The following NF1 variants were observed in gnomAD, a reference collection of about 807,000 sequenced individuals.
NF1 encodes neurofibromin 1.
In NF1, 122 loss-of-function variants were observed where a neutral mutation model predicts 325.7. The ratio of observed to expected loss-of-function variants is 0.37; its 90% CI spans 0.32 to 0.44. The LOEUF is 0.44. Ranked by LOEUF, NF1 falls within the 20% of genes least tolerant of loss-of-function variation. The pLI is 1.00. For missense variants in NF1, 2,140 were observed against 3,415.4 expected (o/e 0.63, Z 9.31); for synonymous variants, 1,091 against 1,186.0 (o/e 0.92, Z 1.65).
At chr17:31,367,406 G>A in intron 57 of NF1, 1 of 428,196 alleles carries the variant, frequency 2.3e-6, no homozygotes, top group Non-Finnish European at 4.2e-6. Context: ...TTAGGAACTT[G>A]TAAAGCCACC....
intron 36 of NF1, among the ~76,000 whole-genome samples, chr17:31,271,212 G>A (rs1402950418): frequency 6.6e-6 from 1 of 152,138 alleles, no homozygotes; most frequent in African/African-American, 2.4e-5. Context: ...ATAAGTTCTC[G>A]ATTCCAGGCA....
chr17:31,143,108 G>A (rs1432459315), intron 1 of NF1, among the ~76,000 whole-genome samples: 1 of 152,022 alleles, frequency 6.6e-6, no homozygotes, highest in African/African-American at 2.4e-5. Context: ...ACATTTTCTT[G>A]TAAGCAAATA....
At chr17:31,236,833 T>C (rs965733981) in intron 29 of NF1, among the ~76,000 whole-genome samples, 1 of 152,164 alleles carries the variant, frequency 6.6e-6, no homozygotes, top group African/African-American at 2.4e-5. Flanking sequence ...AAATATGCTT[T>C]GTTCTGTGCT....
chr17:31,334,031 A>G (rs1459810365), intron 39 of NF1, among the ~76,000 whole-genome samples: 2 of 152,238 alleles, frequency 1.3e-5, no homozygotes, highest in African/African-American at 4.8e-5. Context: ...TCACGCCTGT[A>G]ATCCCAGCAC....
intron 1 of NF1, among the ~76,000 whole-genome samples, chr17:31,152,683 C>T (rs928468230): frequency 1.3e-5 from 2 of 151,230 alleles, no homozygotes; most frequent in East Asian, 1.9e-4. Context: ...TTATTTCTAT[C>T]TGTAATTCTT....
At chr17:31,202,207 G>A (rs1466149435) in intron 11 of NF1, among the ~76,000 whole-genome samples, 1 of 152,124 alleles carries the variant, frequency 6.6e-6, no homozygotes, top group Non-Finnish European at 1.5e-5. Context: ...TATTTTGAAA[G>A]TTTTCAAGTG....
At chr17:31,316,542 G>A (rs1373705592) in intron 36 of NF1, among the ~76,000 whole-genome samples, 2 of 152,046 alleles carry the variant, frequency 1.3e-5, no homozygotes, top group African/African-American at 4.8e-5. Flanking sequence ...AATTTTCTCT[G>A]ACACGTGTTT....
intron 16 of NF1, 131 bp from the exon 17 acceptor site, chr17:31,224,964 C>G (rs2066986589): frequency 1.1e-6 from 1 of 883,446 alleles, no homozygotes; most frequent in Admixed American, 1.9e-5. Context: ...GAATCTCCTT[C>G]AAGTTGGGGC....
intron 36 of NF1, among the ~76,000 whole-genome samples, chr17:31,298,657 T>C (rs957277524): frequency 8.5e-5 from 13 of 152,152 alleles, no homozygotes; most frequent in African/African-American, 2.2e-4. Flanking sequence ...CCACTTTACT[T>C]TGAGGGTTCA....
chr17:31,366,783 G>A (rs545048495), intron 57 of NF1, among the ~76,000 whole-genome samples: 2 of 152,190 alleles, frequency 1.3e-5, no homozygotes, highest in South Asian at 2.1e-4. Context: ...TCTATTTTGA[G>A]GCCACTTAAG....
At chr17:31,293,945 T>G (rs1238081474) in intron 36 of NF1, among the ~76,000 whole-genome samples, 1 of 152,218 alleles carries the variant, frequency 6.6e-6, no homozygotes, top group Non-Finnish European at 1.5e-5. Context: ...GTGGTTTGAT[T>G]TGGAGTGTCA....
intron 1 of NF1, among the ~76,000 whole-genome samples, chr17:31,116,327 G>T (rs17882292): frequency 2.0e-5 from 3 of 152,234 alleles, no homozygotes; most frequent in Non-Finnish European, 2.9e-5. Flanking sequence ...TTAAATTAAA[G>T]AACTTACCCT....
chr17:31,360,804 C>T (rs956856560), intron 57 of NF1, 101 bp downstream of exon 57: 2 of 995,688 alleles, frequency 2.0e-6, no homozygotes, highest in Non-Finnish European at 3.2e-6. Context: ...GCTCCTTTTT[C>T]TTATGAGATT....
At chr17:31,319,070 A>T in intron 36 of NF1, 2 of 1,522,612 alleles carry the variant, frequency 1.3e-6, no homozygotes, top group Non-Finnish European at 1.7e-6. Flanking sequence ...AGAATAATGG[A>T]TCCTAGTTTT....
intron 29 of NF1, among the ~76,000 whole-genome samples, chr17:31,242,248 G>C (rs750417587): frequency 1.4e-5 from 2 of 141,330 alleles, no homozygotes; most frequent in African/African-American, 5.2e-5. Context: ...TTGGTGTTCT[G>C]TAACCTTCCT....
At chr17:31,199,508 G>A (rs2066489990) in intron 8 of NF1, among the ~76,000 whole-genome samples, 1 of 152,196 alleles carries the variant, frequency 6.6e-6, no homozygotes, top group African/African-American at 2.4e-5. Flanking sequence ...TTTGGAGAAT[G>A]TTCCATGTAC....
intron 53 of NF1, 60 bp downstream of exon 53, chr17:31,357,150 G>T (rs2151582774): frequency 6.2e-7 from 1 of 1,607,846 alleles, no homozygotes. Context: ...TCTACTTTTA[G>T]GAGGCCCTTA....
intron 14 of NF1, among the ~76,000 whole-genome samples, chr17:31,221,398 A>G (rs1273297946): frequency 6.6e-6 from 1 of 152,098 alleles, no homozygotes; most frequent in African/African-American, 2.4e-5. Context: ...CTTTTCTGTT[A>G]CAAGAGACTT....
At position 31,163,182 on chromosome 17, in the gene NF1, T is replaced by G. The variant is rs1258767746; in HGVS notation, c.289-4T>G. 5 of 1,613,778 alleles carry G rather than the reference T, an allele frequency of 3.1e-6. No individual in the cohort carries two copies. Among genetic ancestry groups the G allele is most frequent in the Non-Finnish European group, 4.2e-6 (5 of 1,179,856 alleles). On this transcript the variant is annotated splice_region_variant and splice_polypyrimidine_tract_variant and intron_variant, in intron 3 of 57. Coordinates refer to ENST00000358273, the MANE Select transcript of NF1 (RefSeq NM_001042492.3). ...TTAGAATAATGTGATTATTTCTATTTTAGCAACCAAAGGACACAATGAGAT... is the reference window on the plus strand; with the variant it reads ...TTAGAATAATGTGATTATTTCTATTGTAGCAACCAAAGGACACAATGAGAT...
Sources: gnomAD v4.1 joint callset for allele counts (sites outside exome capture counted in the v4.1 genomes callset) on GRCh38, gnomAD v4.1.1 for gene constraint, MANE v1.5 for transcripts, NCBI Gene and HGNC (gene_info 2026-07-23, HGNC 2026-07-21) for gene names.